MICOS10: variants seen among roughly 807,000 people sequenced by gnomAD.
MICOS10 encodes the protein MICOS complex subunit MIC10.
Under a neutral mutation model 13.4 loss-of-function variants are expected in MICOS10, and 5 were observed. The observed-to-expected ratio is 0.37, with a 90% CI of 0.20 to 0.78. MICOS10 has a LOEUF of 0.78. Ranked by LOEUF, MICOS10 falls within the 30% of genes least tolerant of loss-of-function variation. The pLI, the probability that MICOS10 is intolerant of heterozygous loss-of-function variation, is 0.47. For missense variants in MICOS10, 101 were observed against 94.6 expected (o/e 1.07, Z -0.28); for synonymous variants, 35 against 33.6 (o/e 1.04, Z -0.15).
intron 3 of MICOS10, 152 bp from the exon 4 acceptor site, chr1:19,626,235 G>T (rs1053400729): frequency 3.7e-6 from 3 of 810,202 alleles, no homozygotes; most frequent in Non-Finnish European, 4.1e-6. Flanking sequence ...CCTAGGTAGG[G>T]TGTACATAGT....
chr1:19,604,122 T>G (rs1445617861), intron 1 of MICOS10, among the ~76,000 whole-genome samples: 4 of 152,322 alleles, frequency 2.6e-5, no homozygotes, highest in Non-Finnish European at 2.9e-5. Flanking sequence ...ATCTATAAAA[T>G]GATAGTACTT....
chr1:19,608,636 A>T, intron 1 of MICOS10: 1 of 688,314 alleles, frequency 1.5e-6, no homozygotes, highest in Non-Finnish European at 2.6e-6. Context: ...AAAAAAGTGA[A>T]ACCTGTAAGA....
chr1:19,610,390 TTTTTTTTG>T (rs1399635379), intron 1 of MICOS10, among the ~76,000 whole-genome samples: 2 of 75,426 alleles, frequency 2.7e-5, no homozygotes, highest in African/African-American at 1.7e-4. Flanking sequence ...TTTTTTTTTT[TTTTTTTTG>T]GAGACAAGGC....
In MICOS10 at chr1:19,597,829, T is replaced by C. The variant is rs180871305; in HGVS notation, c.64+720T>C. On this transcript the variant is annotated intron_variant, in intron 1 of 3. Transcript: ENST00000322753. ...TCTTCATTGTGCGAAATAATCTTTT[T>C]ACAGGCCGTGAAATGGAGAGTCAGG... The C allele has an allele frequency of 1.3e-4, 20 of 152,362 alleles. 2 individuals are homozygous for C. The East Asian group carries it at 3.9e-3, about 29-fold the overall frequency. The allele number at this position is 152,362 out of a possible 1,614,324, so 9.4% of individuals were successfully genotyped here.
chr1:19,618,102 T>C (rs2094890776), intron 1 of MICOS10, among the ~76,000 whole-genome samples: 1 of 151,282 alleles, frequency 6.6e-6, no homozygotes, highest in Admixed American at 6.6e-5. Flanking sequence ...GGATTAGCTA[T>C]TATACTACAC....
intron 1 of MICOS10, among the ~76,000 whole-genome samples, chr1:19,611,635 G>C (rs2094862096): frequency 6.6e-6 from 1 of 151,726 alleles, no homozygotes; most frequent in South Asian, 2.1e-4. Flanking sequence ...ACCATACCTG[G>C]TCTCAACTTG....
chr1:19,601,103 G>C (rs1392230542), intron 1 of MICOS10: 1 of 964,232 alleles, frequency 1.0e-6, no homozygotes, highest in East Asian at 6.1e-5. Flanking sequence ...GTGTTGTATA[G>C]CTGAGTTAAA....
intron 1 of MICOS10, among the ~76,000 whole-genome samples, chr1:19,611,491 T>TTTTTTTTTA (rs2094861236): frequency 1.5e-5 from 2 of 131,546 alleles, no homozygotes; most frequent in Admixed American, 8.3e-5. Flanking sequence ...TTTTTTTTTT[T>TTTTTTTTTA]GAGACAGGGT....
chr1:19,614,873 C>T (rs2100298773), intron 1 of MICOS10, among the ~76,000 whole-genome samples: 1 of 152,200 alleles, frequency 6.6e-6, no homozygotes, highest in East Asian at 1.9e-4. Flanking sequence ...CTGGATGTGC[C>T]TTATGCTTCA....
At chr1:19,626,146 G>A (rs1222690565) in intron 3 of MICOS10, among the ~76,000 whole-genome samples, 1 of 152,150 alleles carries the variant, frequency 6.6e-6, no homozygotes, top group East Asian at 1.9e-4. Context: ...TGTTATCCAG[G>A]TCATGATGGT....
chr1:19,621,406 T>C (rs2094902794), intron 1 of MICOS10, among the ~76,000 whole-genome samples: 1 of 152,216 alleles, frequency 6.6e-6, no homozygotes, highest in Non-Finnish European at 1.5e-5. Context: ...AATCTTGACA[T>C]TCCAATTTCC....
Position 19,626,036 on chromosome 1 carries a change from T to TA in MICOS10, c.223-350dup, listed in dbSNP as rs1345665198. On this transcript the variant is annotated intron_variant, in intron 3 of 3. Transcript: ENST00000322753. ...TTCAGCTGATGAGAAAGCAGACTCTTACCGGGGTTGAGAAACTTGGCAAGG... is the reference window on the plus strand; with the variant it reads ...TTCAGCTGATGAGAAAGCAGACTCTTAACCGGGGTTGAGAAACTTGGCAAGG... 4.6e-5 allele frequency among the ~76,000 whole-genome samples: 7 copies of TA among 152,340 alleles called. No individual in the cohort carries two copies. The East Asian group carries it at 1.3e-3, about 29-fold the overall frequency.
At chr1:19,610,096 C>G (rs1484618844) in intron 1 of MICOS10, among the ~76,000 whole-genome samples, 1 of 152,060 alleles carries the variant, frequency 6.6e-6, no homozygotes, top group Admixed American at 6.5e-5. Flanking sequence ...TAGCTGAGAT[C>G]GCTCCACTGC....
rs144371767 is a variant in MICOS10, at chr1:19,625,687, C to T, written c.223-700C>T. On this transcript the variant is annotated intron_variant, in intron 3 of 3. Coordinates refer to ENST00000322753, the MANE Select transcript of MICOS10 (RefSeq NM_001032363.4). ...CAAACTGAGTTGTCAGGGATAATGG[C>T]TCAGGGGTGATTATATGCATATTAT... 352 of 1,242,962 alleles carry T rather than the reference C, an allele frequency of 2.8e-4. 1 individual carries two copies. The African/African-American group carries it at 5.0e-3, about 18-fold the overall frequency. The allele number at this position is 1,242,962 out of a possible 1,614,324, so 77.0% of individuals were successfully genotyped here.
chr1:19,599,946 G>A (rs1445200975), intron 1 of MICOS10, among the ~76,000 whole-genome samples: 1 of 152,114 alleles, frequency 6.6e-6, no homozygotes, highest in Non-Finnish European at 1.5e-5. Flanking sequence ...GGCATAGGCT[G>A]GTGGGTAATC....
At chr1:19,618,195 T>G (rs2094891210) in intron 1 of MICOS10, among the ~76,000 whole-genome samples, 3 of 150,194 alleles carry the variant, frequency 2.0e-5, no homozygotes, top group Admixed American at 1.3e-4. Context: ...CAGCCTCAAC[T>G]CCCAGGCTAA....
At chr1:19,626,265 A>T in intron 3 of MICOS10, 122 bp from the exon 4 acceptor site, 1 of 1,140,866 alleles carries the variant, frequency 8.8e-7, no homozygotes, top group African/African-American at 1.5e-5. Flanking sequence ...AGACAGTTTT[A>T]ACGTAAACAG....
intron 1 of MICOS10, chr1:19,601,154 A>C (rs1467652946): frequency 2.3e-6 from 1 of 433,486 alleles, no homozygotes; most frequent in East Asian, 7.2e-5. Flanking sequence ...GGTCCTTTAA[A>C]AAAGTAATCT....
chr1:19,604,307 G>A (rs2094826807), intron 1 of MICOS10, among the ~76,000 whole-genome samples: 1 of 152,134 alleles, frequency 6.6e-6, no homozygotes, highest in Non-Finnish European at 1.5e-5. Context: ...AGGAGTTTGA[G>A]ACCAGCCTGG....
Sources: gnomAD v4.1 joint callset for allele counts (sites outside exome capture counted in the v4.1 genomes callset) on GRCh38, gnomAD v4.1.1 for gene constraint, MANE v1.5 for transcripts, NCBI Gene and HGNC (gene_info 2026-07-23, HGNC 2026-07-21) for gene names.